STAU2: variants seen among roughly 807,000 people sequenced by gnomAD.
STAU2 encodes double-stranded RNA-binding protein Staufen homolog 2.
A neutral mutation model predicts 65.9 loss-of-function variants in STAU2; 20 were observed. The observed-to-expected ratio is 0.30, with a 90% CI of 0.21 to 0.44. The LOEUF (loss-of-function observed/expected upper bound fraction) is 0.44, where lower values mean the gene tolerates loss of function less well. Among genes scored for constraint, STAU2 ranks in the 20% least tolerant of loss-of-function variants. The probability of loss-of-function intolerance (pLI) is 1.00; values close to 1 mark genes in which losing one functional copy is unlikely to be tolerated. For synonymous variants in STAU2, 232 were observed against 233.9 expected (o/e 0.99, Z 0.07); for missense variants, 558 against 683.9 (o/e 0.82, Z 2.05).
intron 4 of STAU2, among the ~76,000 whole-genome samples, chr8:73,691,412 A>G (rs980648566): frequency 5.9e-5 from 9 of 152,112 alleles, no homozygotes; most frequent in African/African-American, 1.9e-4. Context: ...CAGACTCAGT[A>G]TACTTCATTT....
intron 13 of STAU2, among the ~76,000 whole-genome samples, chr8:73,460,187 C>T (rs1445202292): frequency 6.6e-6 from 1 of 152,168 alleles, no homozygotes; most frequent in Non-Finnish European, 1.5e-5. Flanking sequence ...CAAAACATTC[C>T]TTCTAGCCTC....
intron 3 of STAU2, among the ~76,000 whole-genome samples, chr8:73,730,804 T>C (rs78277028): frequency 0.19 from 29,049 of 151,618 alleles, 3,031 homozygotes; most frequent in East Asian, 0.36. Flanking sequence ...TATATGTCTG[T>C]TAGGTCTAGT....
At chr8:73,694,527 C>T (rs971134701) in intron 4 of STAU2, among the ~76,000 whole-genome samples, 14 of 152,160 alleles carry the variant, frequency 9.2e-5, no homozygotes, top group African/African-American at 3.1e-4. Context: ...AGTAAAATTA[C>T]AGAGGAGGGT....
At chr8:73,536,411 A>G (rs1263853305) in intron 13 of STAU2, among the ~76,000 whole-genome samples, 1 of 152,226 alleles carries the variant, frequency 6.6e-6, no homozygotes, top group Non-Finnish European at 1.5e-5. Flanking sequence ...ATAACAACAT[A>G]TAAATCTTTT....
At chr8:73,522,792 C>A (rs975597998) in intron 13 of STAU2, among the ~76,000 whole-genome samples, 1 of 152,206 alleles carries the variant, frequency 6.6e-6, no homozygotes, top group Non-Finnish European at 1.5e-5. Context: ...TGACTGCCCA[C>A]TGTCTGGATG....
intron 6 of STAU2, among the ~76,000 whole-genome samples, chr8:73,671,309 G>A (rs1414263357): frequency 1.3e-5 from 2 of 151,894 alleles, no homozygotes; most frequent in Middle Eastern, 3.4e-3. Flanking sequence ...GAACCCAGGA[G>A]GCGGAGGGTG....
At chr8:73,687,291 TATTTATATTTATAAATATA>T (rs563395791) in intron 5 of STAU2, among the ~76,000 whole-genome samples, 2,355 of 131,704 alleles carry the variant, frequency 0.018, 122 homozygotes, top group African/African-American at 0.061. Flanking sequence ...TAAAAATTTA[TATTTATATTTATAAATATA>T]ATTTATATTT....
chr8:73,609,339 C>T (rs16938701), intron 9 of STAU2, among the ~76,000 whole-genome samples: 27,887 of 151,640 alleles, frequency 0.18, 2,801 homozygotes, highest in African/African-American at 0.27. Context: ...TTTCAACTTC[C>T]ACTTATATCC....
At chr8:73,718,996 A>T (rs1821451549) in intron 3 of STAU2, among the ~76,000 whole-genome samples, 2 of 152,198 alleles carry the variant, frequency 1.3e-5, no homozygotes, top group African/African-American at 2.4e-5. Context: ...ATTTCTTTCC[A>T]ATCTGAACAC....
chr8:73,503,253 G>A (rs1315278091), intron 13 of STAU2, among the ~76,000 whole-genome samples: 1 of 152,052 alleles, frequency 6.6e-6, no homozygotes, highest in East Asian at 1.9e-4. Flanking sequence ...ATAGTACATC[G>A]AAGTGCTTTA....
chr8:73,486,611 T>TTTTATATA (rs1554596359), intron 13 of STAU2, among the ~76,000 whole-genome samples: 1 of 143,646 alleles, frequency 7.0e-6, no homozygotes, highest in African/African-American at 2.6e-5. Context: ...AAAATATCCA[T>TTTTATATA]TATATATATA....
At chr8:73,506,032 C>A (rs1822047065) in intron 13 of STAU2, among the ~76,000 whole-genome samples, 1 of 152,126 alleles carries the variant, frequency 6.6e-6, no homozygotes, top group Non-Finnish European at 1.5e-5. Flanking sequence ...AAGGCCTCAT[C>A]AGAAGCCAAG....
intron 13 of STAU2, among the ~76,000 whole-genome samples, chr8:73,518,969 A>G (rs1245834351): frequency 6.6e-6 from 1 of 152,226 alleles, no homozygotes; most frequent in Non-Finnish European, 1.5e-5. Context: ...GCACTTTACC[A>G]AAGCAAACAT....
chr8:73,713,564 C>A (rs1429376182), intron 3 of STAU2, among the ~76,000 whole-genome samples: 1 of 152,078 alleles, frequency 6.6e-6, no homozygotes, highest in East Asian at 1.9e-4. Context: ...AGCAAAAATT[C>A]ACTTAGGTAA....
intron 13 of STAU2, among the ~76,000 whole-genome samples, chr8:73,483,661 C>T (rs559682304): frequency 6.6e-6 from 1 of 152,158 alleles, no homozygotes; most frequent in African/African-American, 2.4e-5. Flanking sequence ...TACAATGTTG[C>T]TTAGGTAAGA....
At chr8:73,713,507 G>A (rs1821038824) in intron 3 of STAU2, among the ~76,000 whole-genome samples, 1 of 152,110 alleles carries the variant, frequency 6.6e-6, no homozygotes. Context: ...CTTAGACAAA[G>A]GGTGTATGGA....
chr8:73,610,611 C>G (rs1812379410), intron 9 of STAU2, among the ~76,000 whole-genome samples: 1 of 151,300 alleles, frequency 6.6e-6, no homozygotes, highest in Non-Finnish European at 1.5e-5. Context: ...AATGAACTAC[C>G]AGCACCCTTG....
chr8:73,662,887 A>C (rs1586221074), intron 6 of STAU2, among the ~76,000 whole-genome samples: 1 of 151,764 alleles, frequency 6.6e-6, no homozygotes, highest in Non-Finnish European at 1.5e-5. Flanking sequence ...AAGTGCTGGG[A>C]TTACAGGCAT....
chr8:73,644,488 A>G (rs1815225695), intron 6 of STAU2, among the ~76,000 whole-genome samples: 1 of 151,412 alleles, frequency 6.6e-6, no homozygotes, highest in Admixed American at 6.6e-5. Flanking sequence ...GAGAAAAAAA[A>G]GAAAGAAAAG....
Sources: gnomAD v4.1 joint callset for allele counts (sites outside exome capture counted in the v4.1 genomes callset) on GRCh38, gnomAD v4.1.1 for gene constraint, MANE v1.5 for transcripts, NCBI Gene and HGNC (gene_info 2026-07-23, HGNC 2026-07-21) for gene names.